DNER: variants seen among roughly 807,000 people sequenced by gnomAD.
DNER encodes delta/notch like EGF repeat containing, also known as delta and Notch-like epidermal growth factor-related receptor.
DNER carries 33 observed loss-of-function variants against 78.2 expected under a neutral mutation model. The observed-to-expected ratio is 0.42, with a 90% CI of 0.32 to 0.56. The LOEUF is 0.56. DNER is among the 20% of genes least tolerant of loss of function. The pLI is 0.11. For missense variants in DNER, 918 were observed against 975.3 expected, an observed-to-expected ratio of 0.94 and a Z score of 0.78; for synonymous variants, 417 against 384.8, an observed-to-expected ratio of 1.08 and a Z score of -0.98.
At chr2:229,439,762 G>C (rs907029593) in intron 8 of DNER, among the ~76,000 whole-genome samples, 2 of 152,188 alleles carry the variant, frequency 1.3e-5, no homozygotes, top group Non-Finnish European at 2.9e-5. Flanking sequence ...ATACTGTGCT[G>C]GCAGGGCTGC....
intron 1 of DNER, among the ~76,000 whole-genome samples, chr2:229,702,524 A>G (rs1205271084): frequency 6.6e-6 from 1 of 152,102 alleles, no homozygotes; most frequent in African/African-American, 2.4e-5. Context: ...CAACAGAGTA[A>G]GACCCTGTCA....
intron 4 of DNER, among the ~76,000 whole-genome samples, chr2:229,582,641 T>C (rs1401998971): frequency 6.6e-6 from 1 of 152,152 alleles, no homozygotes; most frequent in Non-Finnish European, 1.5e-5. Flanking sequence ...GTTATTAATA[T>C]ATCAAAGTTC....
intron 4 of DNER, among the ~76,000 whole-genome samples, chr2:229,572,698 T>G (rs1697236968): frequency 6.6e-6 from 1 of 152,140 alleles, no homozygotes; most frequent in Admixed American, 6.5e-5. Context: ...GCCAAACACA[T>G]GGAGACTATT....
intron 1 of DNER, among the ~76,000 whole-genome samples, chr2:229,603,364 T>A (rs1349016156): frequency 6.6e-6 from 1 of 152,142 alleles, no homozygotes; most frequent in Admixed American, 6.5e-5. Flanking sequence ...TATGCATATG[T>A]AACAAACCTG....
intron 5 of DNER, among the ~76,000 whole-genome samples, chr2:229,536,727 C>A (rs796647600): frequency 3.3e-5 from 5 of 152,222 alleles, no homozygotes; most frequent in Non-Finnish European, 5.9e-5. Context: ...AATCTAAGAA[C>A]AATAGTTATG....
At position 229,477,217 on chromosome 2, in the gene DNER, T is replaced by A. The variant is rs1695055841; in HGVS notation, c.1184A>T (p.Tyr395Phe). 1 of 1,613,752 alleles carries A rather than the reference T, an allele frequency of 6.2e-7. No homozygotes were observed. ...TGELCQSKID[Y>F]CILDPCRNGA... ...ATTTCTGCATGGGTCTAGGATGCAGTAATCAATCTTGGACTGGCAAAGCTC... is the reference window on the plus strand; with the variant it reads ...ATTTCTGCATGGGTCTAGGATGCAGAAATCAATCTTGGACTGGCAAAGCTC... The change falls in exon 7 of 13, where the codon TAC becomes TTC. Residue 395 changes from tyrosine (Y) to phenylalanine (F), a missense_variant. Physicochemically the swap from Tyr to Phe is conservative, Grantham distance 22. Coordinates refer to ENST00000341772, the MANE Select transcript of DNER (RefSeq NM_139072.4).
intron 7 of DNER, among the ~76,000 whole-genome samples, chr2:229,457,744 A>G (rs979987358): frequency 2.0e-5 from 3 of 151,134 alleles, no homozygotes; most frequent in Non-Finnish European, 2.9e-5. Context: ...TAACACCCCA[A>G]TTAAAAGGCG....
At chr2:229,415,462 C>G (rs546213333) in intron 9 of DNER, among the ~76,000 whole-genome samples, 1 of 152,108 alleles carries the variant, frequency 6.6e-6, no homozygotes, top group Admixed American at 6.5e-5. Flanking sequence ...AAGCCAGTAC[C>G]GGGTACTGAT....
chr2:229,457,826 A>C (rs1694609181), intron 7 of DNER, among the ~76,000 whole-genome samples: 2 of 151,056 alleles, frequency 1.3e-5, no homozygotes. Context: ...AACCCACTCC[A>C]GCATAAAGAC....
At position 229,591,919 on chromosome 2, in the gene DNER, T is replaced by A; in HGVS notation, c.277-31A>T. On this transcript the variant is annotated intron_variant, in intron 1 of 12. Transcript: ENST00000341772. This position sits in a 1 kb window ranked among gnomAD's most constrained non-coding sequence, Gnocchi z 4.6. ...ACGAGACCATAAATGGGTCAATTATTCCCTCATAAGAAAAGTGGTGCCATC... is the reference window on the plus strand; with the variant it reads ...ACGAGACCATAAATGGGTCAATTATACCCTCATAAGAAAAGTGGTGCCATC... 1 of 1,474,032 alleles carries A rather than the reference T, an allele frequency of 6.8e-7. No homozygotes were observed. The highest frequency in any genetic ancestry group is 9.0e-7 in the Non-Finnish European group (1 of 1,115,624). 91.3% of individuals were successfully genotyped at this position (1,474,032 alleles called of 1,614,324 possible). A position where few individuals can be genotyped will look rare whatever the true frequency, so the allele number is the denominator to read the frequency against.
At chr2:229,624,433 AC>A (rs560814223) in intron 1 of DNER, among the ~76,000 whole-genome samples, 32 of 152,216 alleles carry the variant, frequency 2.1e-4, no homozygotes, top group African/African-American at 7.7e-4. Flanking sequence ...TCAACATTTT[AC>A]CCATTTTCTC....
chr2:229,706,729 C>T (rs1284412254), intron 1 of DNER, among the ~76,000 whole-genome samples: 2 of 152,146 alleles, frequency 1.3e-5, no homozygotes, highest in African/African-American at 2.4e-5. Flanking sequence ...TTTCATATAA[C>T]TTTCATGCAA....
At chr2:229,600,050 A>G (rs1697798727) in intron 1 of DNER, among the ~76,000 whole-genome samples, 1 of 152,230 alleles carries the variant, frequency 6.6e-6, no homozygotes, top group South Asian at 2.1e-4. Context: ...CAGGCCATTC[A>G]TCAGAAACTC....
chr2:229,407,185 G>T, intron 10 of DNER, 47 bp downstream of exon 10: 1 of 1,545,368 alleles, frequency 6.5e-7, no homozygotes, highest in South Asian at 1.1e-5. Context: ...CTGCAATCTC[G>T]GGCACTTTGT....
chr2:229,439,053 C>T (rs1369016048), intron 8 of DNER, among the ~76,000 whole-genome samples: 1 of 152,126 alleles, frequency 6.6e-6, no homozygotes, highest in East Asian at 1.9e-4. Context: ...CAATGGGTCC[C>T]ACTTCATAAG....
At position 229,399,678 on chromosome 2, in the gene DNER, T is replaced by C. The variant is rs554992096; in HGVS notation, c.1723+7554A>G. 3.4e-4 allele frequency among the ~76,000 whole-genome samples: 52 copies of C among 152,124 alleles called. No homozygotes were observed. The South Asian group carries it at 0.011, about 32-fold the overall frequency. ...TTATGACATAATAAAGGTAGAGGAA[T>C]AGACACATAATCAATGAAAAAGAAG... On this transcript the variant is annotated intron_variant, in intron 10 of 12. Coordinates refer to ENST00000341772, the MANE Select transcript of DNER (RefSeq NM_139072.4).
intron 7 of DNER, among the ~76,000 whole-genome samples, chr2:229,464,741 G>A (rs1280303161): frequency 6.6e-6 from 1 of 152,128 alleles, no homozygotes; most frequent in Non-Finnish European, 1.5e-5. Context: ...GGGTGCGGTG[G>A]GTAGAGAATG....
At chr2:229,596,813 A>ACT (rs1697722057) in intron 1 of DNER, among the ~76,000 whole-genome samples, 1 of 152,210 alleles carries the variant, frequency 6.6e-6, no homozygotes, top group African/African-American at 2.4e-5. Flanking sequence ...CAGGAGAAAC[A>ACT]CTCTTAGTGA....
chr2:229,550,216 C>G (rs1159903715), intron 4 of DNER, among the ~76,000 whole-genome samples: 1 of 151,874 alleles, frequency 6.6e-6, no homozygotes, highest in Non-Finnish European at 1.5e-5. Context: ...TGTTCTCGAA[C>G]TCCTGGCCTC....
Sources: gnomAD v4.1 joint callset for allele counts (sites outside exome capture counted in the v4.1 genomes callset) on GRCh38, gnomAD v4.1.1 for gene constraint, Gnocchi (gnomAD v3.1) non-coding constraint, MANE v1.5 for transcripts, NCBI Gene and HGNC (gene_info 2026-07-23, HGNC 2026-07-21) for gene names.